NRXN1: variants seen among roughly 807,000 people sequenced by gnomAD.
The protein encoded by NRXN1 is neurexin 1.
NRXN1 carries 39 observed loss-of-function variants against 150.9 expected under a neutral mutation model. The observed-to-expected ratio is 0.26, with a 90% CI of 0.20 to 0.34. The LOEUF (loss-of-function observed/expected upper bound fraction) is 0.34, where lower values mean the gene tolerates loss of function less well. Ranked by LOEUF, NRXN1 falls within the 10% of genes least tolerant of loss-of-function variation. The pLI is 1.00. For missense variants in NRXN1, 1,815 were observed against 1,949.9 expected (o/e 0.93, Z 1.30); for synonymous variants, 924 against 757.0 (o/e 1.22, Z -3.62).
intron 5 of NRXN1, among the ~76,000 whole-genome samples, chr2:50,740,203 T>C (rs1699266886): frequency 6.6e-6 from 1 of 152,196 alleles, no homozygotes. Flanking sequence ...ACCAGGGACA[T>C]GAGTCTTGAT....
chr2:50,101,256 T>G lies in NRXN1; in HGVS notation c.3547-9762A>C, dbSNP rs543068263. Reference sequence around the variant, plus strand: ...TTAAAACCACAATCTTTGTTTATTCTGCATCTGCCTGAATCCTTGTCTTTG... The same window carrying G: ...TTAAAACCACAATCTTTGTTTATTCGGCATCTGCCTGAATCCTTGTCTTTG... On this transcript the variant is annotated intron_variant, in intron 18 of 22. Coordinates refer to ENST00000401669, the MANE Select transcript of NRXN1 (RefSeq NM_001330078.2). Among the ~76,000 whole-genome samples, 8 of 152,220 alleles carry G rather than the reference T, an allele frequency of 5.3e-5. No individual in the cohort carries two copies. The East Asian group carries it at 1.5e-3, about 29-fold the overall frequency.
At chr2:50,955,521 C>T (rs1254361581) in intron 2 of NRXN1, among the ~76,000 whole-genome samples, 1 of 152,162 alleles carries the variant, frequency 6.6e-6, no homozygotes, top group Non-Finnish European at 1.5e-5. Context: ...TAGTAAACCA[C>T]ATATGAAAGC....
intron 2 of NRXN1, chr2:50,985,477 T>C (rs907669241): frequency 2.0e-5 from 3 of 151,760 alleles, no homozygotes; most frequent in Admixed American, 1.3e-4. Context: ...GAATCTAGAA[T>C]GTTTTACTCA....
At position 50,145,137 on chromosome 2, in the gene NRXN1, T is replaced by G. The variant is rs185336291; in HGVS notation, c.3547-53643A>C. ...ATTTACTGTTTAAAAAACCTTTAGA[T>G]CTATGATTTTTAAAAACTGCATTTG... On this transcript the variant is annotated intron_variant, in intron 18 of 22. Transcript: ENST00000401669. Among the ~76,000 whole-genome samples the G allele has an allele frequency of 6.6e-3, 1,006 of 151,818 alleles. 3 individuals carry two copies. Among genetic ancestry groups the G allele is most frequent in the Non-Finnish European group, 0.01 (704 of 67,762 alleles).
intron 2 of NRXN1, among the ~76,000 whole-genome samples, chr2:51,004,648 T>C (rs1700482141): frequency 6.7e-6 from 1 of 148,854 alleles, no homozygotes; most frequent in Non-Finnish European, 1.5e-5. Flanking sequence ...GTCTCAAAAA[T>C]AAATAAATAA....
intron 17 of NRXN1, among the ~76,000 whole-genome samples, chr2:50,448,104 G>A (rs1471107416): frequency 1.3e-5 from 2 of 152,020 alleles, no homozygotes; most frequent in Admixed American, 6.6e-5. Flanking sequence ...CTACTTTTGA[G>A]GGGAAGGTGA....
intron 17 of NRXN1, among the ~76,000 whole-genome samples, chr2:50,410,731 T>C (rs1572869349): frequency 6.6e-6 from 1 of 152,212 alleles, no homozygotes; most frequent in African/African-American, 2.4e-5. Flanking sequence ...GGCAGGCCTA[T>C]TGATCTTGCC....
At chr2:50,648,318 T>C (rs1685113703) in intron 5 of NRXN1, among the ~76,000 whole-genome samples, 2 of 152,048 alleles carry the variant, frequency 1.3e-5, no homozygotes, top group South Asian at 4.1e-4. Context: ...GAAAGTATTT[T>C]CCATCATGCT....
chr2:50,372,375 C>A (rs920305559), intron 17 of NRXN1, among the ~76,000 whole-genome samples: 1 of 152,006 alleles, frequency 6.6e-6, no homozygotes, highest in Non-Finnish European at 1.5e-5. Context: ...AGGTTTTCCA[C>A]CTGAAATGCA....
chr2:50,260,316 T>G (rs1163482380), intron 17 of NRXN1, among the ~76,000 whole-genome samples: 1 of 151,924 alleles, frequency 6.6e-6, no homozygotes, highest in African/African-American at 2.4e-5. Flanking sequence ...TTGCTTGATA[T>G]TTCCTAGAAA....
At chr2:50,542,069 G>A (rs1039828393) in intron 9 of NRXN1, among the ~76,000 whole-genome samples, 1 of 152,042 alleles carries the variant, frequency 6.6e-6, no homozygotes, top group East Asian at 1.9e-4. Context: ...ATCACCTGAG[G>A]TCAGGAGTTC....
intron 5 of NRXN1, among the ~76,000 whole-genome samples, chr2:50,633,212 A>G (rs1347806397): frequency 6.6e-6 from 1 of 152,122 alleles, no homozygotes; most frequent in African/African-American, 2.4e-5. Flanking sequence ...GGGCTGTCAC[A>G]TTTCCACTTA....
At position 50,838,474 on chromosome 2, in the gene NRXN1, C is replaced by T. The variant is rs533128024; in HGVS notation, c.832+83395G>A. The stretch of plus-strand genomic sequence containing the variant: ...TCTGGGTTGAATTGTGGCACCCCCT[C>T]AGAGAGTATGCTATAAGCCTAACCC... On this transcript the variant is annotated intron_variant, in intron 5 of 22. Coordinates refer to ENST00000401669, the MANE Select transcript of NRXN1 (RefSeq NM_001330078.2). Among the ~76,000 whole-genome samples the T allele has an allele frequency of 3.9e-5, 6 of 152,206 alleles. No homozygotes were observed. In the South Asian group the frequency reaches 1.2e-3, roughly 32 times the overall value.
chr2:50,262,036 T>G (rs1157203457), intron 17 of NRXN1, among the ~76,000 whole-genome samples: 1 of 151,934 alleles, frequency 6.6e-6, no homozygotes, highest in Non-Finnish European at 1.5e-5. Flanking sequence ...GCGTTAACCT[T>G]GAACTTGATT....
chr2:50,070,428 T>C (rs1696072846), intron 19 of NRXN1, among the ~76,000 whole-genome samples: 1 of 152,098 alleles, frequency 6.6e-6, no homozygotes, highest in African/African-American at 2.4e-5. Flanking sequence ...TCAAGAGACA[T>C]TCTCATGAGA....
At chr2:50,447,192 G>A (rs898551616) in intron 17 of NRXN1, among the ~76,000 whole-genome samples, 2 of 151,968 alleles carry the variant, frequency 1.3e-5, no homozygotes, top group African/African-American at 4.8e-5. Context: ...AAGCAATGCT[G>A]TCTGGGCATG....
At chr2:50,885,220 C>G (rs766312511) in intron 5 of NRXN1, among the ~76,000 whole-genome samples, 7 of 151,414 alleles carry the variant, frequency 4.6e-5, no homozygotes, top group Middle Eastern at 3.4e-3. Context: ...CTTTTTTGGT[C>G]TGCTGTGACA....
chr2:50,421,647 T>C (rs2104260751), intron 17 of NRXN1, among the ~76,000 whole-genome samples: 1 of 152,284 alleles, frequency 6.6e-6, no homozygotes, highest in Non-Finnish European at 1.5e-5. Context: ...CACTGAACTA[T>C]GTTGATTACC....
At chr2:50,181,682 G>A (rs2060725808) in intron 18 of NRXN1, among the ~76,000 whole-genome samples, 1 of 151,808 alleles carries the variant, frequency 6.6e-6, no homozygotes. Context: ...ATTATTCCAC[G>A]GATGAGTTTT....
Sources: allele counts gnomAD v4.1 joint callset (sites outside exome capture counted in the v4.1 genomes callset), GRCh38; gene constraint gnomAD v4.1.1; transcripts MANE v1.5; gene names NCBI Gene and HGNC (gene_info 2026-07-23, HGNC 2026-07-21).